TLE4: variants seen among roughly 807,000 people sequenced by gnomAD.
The protein encoded by TLE4 is TLE family member 4, transcriptional corepressor.
In TLE4, 8 loss-of-function variants were observed where a neutral mutation model predicts 92.8. The ratio of observed to expected loss-of-function variants is 0.09; its 90% CI spans 0.05 to 0.16. The LOEUF (loss-of-function observed/expected upper bound fraction) is 0.16. Ranked by LOEUF, TLE4 falls within the 10% of genes least tolerant of loss-of-function variation. The pLI is 1.00. For missense variants in TLE4, 675 were observed against 997.6 expected (o/e 0.68, Z 4.36); for synonymous variants, 371 against 374.1 (o/e 0.99, Z 0.10).
intron 14 of TLE4, among the ~76,000 whole-genome samples, chr9:79,716,877 T>C (rs2074599273): frequency 6.6e-6 from 1 of 152,216 alleles, no homozygotes; most frequent in Non-Finnish European, 1.5e-5. Flanking sequence ...ATTTCTTTCT[T>C]ATTCCATTCT....
chr9:79,722,025 C>T (rs2075730468), intron 17 of TLE4, 137 bp downstream of exon 17: 1 of 1,274,336 alleles, frequency 7.8e-7, no homozygotes. Context: ...ATTAGCTGGG[C>T]ATGGTGGCAT....
intron 4 of TLE4, among the ~76,000 whole-genome samples, chr9:79,589,460 T>A (rs2042010140): frequency 7.2e-6 from 1 of 138,390 alleles, no homozygotes; most frequent in South Asian, 2.4e-4. Flanking sequence ...GAGGGACTTT[T>A]CACACTTAAG....
At chr9:79,594,941 G>A (rs1296695995) in intron 4 of TLE4, among the ~76,000 whole-genome samples, 4 of 152,150 alleles carry the variant, frequency 2.6e-5, no homozygotes, top group Non-Finnish European at 4.4e-5. Context: ...CATATCACTT[G>A]GCAATTGTTT....
intron 10 of TLE4, 87 bp downstream of exon 10, chr9:79,706,029 G>A: frequency 7.9e-7 from 1 of 1,265,778 alleles, no homozygotes; most frequent in East Asian, 2.3e-5. Context: ...AAAATATCTT[G>A]AGGTTTGTCG....
chr9:79,628,883 T>TGTGTG lies in TLE4; in HGVS notation c.390+1436_390+1440dup, dbSNP rs1350288184. 4.7e-5 allele frequency among the ~76,000 whole-genome samples: 7 copies of TGTGTG among 150,282 alleles called. No homozygotes were observed. The East Asian group carries it at 1.4e-3, about 29-fold the overall frequency. ...TTAATTTTAAAGTTAAGTGTGTGTG[T>TGTGTG]GTGTGTGTGTGTGTGTGTGTGTGTG... On this transcript the variant is annotated intron_variant, in intron 6 of 19. Coordinates refer to ENST00000376552, the MANE Select transcript of TLE4 (RefSeq NM_007005.6).
At chr9:79,653,443 C>T (rs2059313898) in intron 7 of TLE4, among the ~76,000 whole-genome samples, 1 of 152,190 alleles carries the variant, frequency 6.6e-6, no homozygotes, top group South Asian at 2.1e-4. Flanking sequence ...TTTCCTTCCT[C>T]CACTAAGGTA....
chr9:79,618,190 TTCCAGACATA>T (rs1418732010), intron 5 of TLE4, among the ~76,000 whole-genome samples: 2 of 152,248 alleles, frequency 1.3e-5, no homozygotes, highest in Non-Finnish European at 1.5e-5. Context: ...TGCCACTTGC[TTCCAGACATA>T]ATGCTATGCA....
At chr9:79,606,140 A>T (rs1278671857) in intron 4 of TLE4, among the ~76,000 whole-genome samples, 1 of 127,964 alleles carries the variant, frequency 7.8e-6, no homozygotes, top group African/African-American at 3.0e-5. Context: ...TTCGATTCTT[A>T]TAATGTTATC....
chr9:79,703,934 C>T, intron 8 of TLE4, among the ~76,000 whole-genome samples: 1 of 151,208 alleles, frequency 6.6e-6, no homozygotes, highest in South Asian at 2.1e-4. Flanking sequence ...ACTTTCCCCC[C>T]TTTTTTTTTC....
At chr9:79,721,006 G>C (rs975382801) in intron 16 of TLE4, among the ~76,000 whole-genome samples, 15 of 152,186 alleles carry the variant, frequency 9.9e-5, no homozygotes, top group African/African-American at 3.6e-4. Context: ...TCAGCTACAG[G>C]TATGAAAAGG....
At chr9:79,636,111 C>A (rs1382260043) in intron 6 of TLE4, among the ~76,000 whole-genome samples, 1 of 151,984 alleles carries the variant, frequency 6.6e-6, no homozygotes, top group Non-Finnish European at 1.5e-5. Flanking sequence ...GCCAGAGTGA[C>A]CTTCTTATAA....
At position 79,722,678 on chromosome 9, in the gene TLE4, C is replaced by G. The variant is rs77087932; in HGVS notation, c.2137+77C>G. ...CCTTCCTGTGTTTTTATTTCCAAGTCGAATCCTTGAGTTCATTACCATGCC... is the reference window on the plus strand; with the variant it reads ...CCTTCCTGTGTTTTTATTTCCAAGTGGAATCCTTGAGTTCATTACCATGCC... On this transcript the variant is annotated intron_variant, in intron 18 of 19. Coordinates refer to ENST00000376552, the MANE Select transcript of TLE4 (RefSeq NM_007005.6). 5.2e-6 allele frequency: 8 copies of G among 1,546,704 alleles called. No homozygotes were observed. In the Admixed American group the frequency reaches 8.8e-5, roughly 17 times the overall value.
intron 8 of TLE4, among the ~76,000 whole-genome samples, chr9:79,685,659 C>T (rs2135403501): frequency 6.6e-6 from 1 of 152,296 alleles, no homozygotes; most frequent in East Asian, 1.9e-4. Flanking sequence ...ACAAGATAGT[C>T]ATCACAAAAT....
chr9:79,623,950 G>A (rs2051778360), intron 5 of TLE4, among the ~76,000 whole-genome samples: 1 of 152,006 alleles, frequency 6.6e-6, no homozygotes, highest in African/African-American at 2.4e-5. Context: ...CAGATTGGCT[G>A]GACCCACCAC....
At chr9:79,613,866 G>A (rs2048915431) in intron 5 of TLE4, among the ~76,000 whole-genome samples, 1 of 152,098 alleles carries the variant, frequency 6.6e-6, no homozygotes, top group South Asian at 2.1e-4. Context: ...GGTATATACT[G>A]GGGAGGGGGC....
chr9:79,588,135 CGTGTGTGTGTGTGTGT>C (rs71364418), intron 4 of TLE4, among the ~76,000 whole-genome samples: 11 of 146,716 alleles, frequency 7.5e-5, no homozygotes, highest in African/African-American at 2.8e-4. Context: ...TTTATCCTTG[CGTGTGTGTGTGTGTGT>C]GTGTGTGTGT....
chr9:79,616,356 A>G (rs1444047781), intron 5 of TLE4, among the ~76,000 whole-genome samples: 1 of 152,148 alleles, frequency 6.6e-6, no homozygotes. Context: ...AAACACATCC[A>G]ATGTCTGTGA....
At chr9:79,604,061 C>T (rs999103117) in intron 4 of TLE4, among the ~76,000 whole-genome samples, 20 of 152,096 alleles carry the variant, frequency 1.3e-4, no homozygotes, top group Non-Finnish European at 2.4e-4. Flanking sequence ...GAGATAATTT[C>T]AGATGATTAC....
chr9:79,576,289 T>A, intron 4 of TLE4, 112 bp downstream of exon 4: 1 of 697,656 alleles, frequency 1.4e-6, no homozygotes, highest in Non-Finnish European at 2.3e-6. Context: ...TACCTGTATT[T>A]AAAAGTCTGG....
Sources: gnomAD v4.1 joint callset for allele counts (sites outside exome capture counted in the v4.1 genomes callset) on GRCh38, gnomAD v4.1.1 for gene constraint, MANE v1.5 for transcripts, NCBI Gene and HGNC (gene_info 2026-07-23, HGNC 2026-07-21) for gene names.